Variants in ITGAE observed in about 807,000 individuals in gnomAD.
ITGAE encodes the protein integrin alpha-E.
A neutral mutation model predicts 136.5 loss-of-function variants in ITGAE; 99 were observed. The ratio of observed to expected loss-of-function variants is 0.73; its 90% CI spans 0.62 to 0.86. The LOEUF is 0.86. Ranked by LOEUF, ITGAE falls within the 40% of genes least tolerant of loss-of-function variation. ITGAE has a pLI of 0.00. For synonymous variants in ITGAE, 613 were observed against 591.8 expected, an observed-to-expected ratio of 1.04 and a Z score of -0.52; for missense variants, 1,447 against 1,515.3, an observed-to-expected ratio of 0.95 and a Z score of 0.75.
intron 8 of ITGAE, among the ~76,000 whole-genome samples, chr17:3,758,114 G>A (rs1296582451): frequency 2.6e-5 from 4 of 152,122 alleles, no homozygotes; most frequent in African/African-American, 4.8e-5. Context: ...TCTTGTGTGC[G>A]TACAGGAAGA....
intron 28 of ITGAE, among the ~76,000 whole-genome samples, chr17:3,722,756 T>C (rs2051083157): frequency 1.3e-5 from 2 of 152,114 alleles, no homozygotes; most frequent in Non-Finnish European, 2.9e-5. Flanking sequence ...ATGAAAAAAG[T>C]ATGGATTTTA....
intron 9 of ITGAE, among the ~76,000 whole-genome samples, 186 bp from the exon 10 acceptor site, chr17:3,757,320 A>G (rs1050701476): frequency 6.6e-6 from 1 of 151,950 alleles, no homozygotes; most frequent in African/African-American, 2.4e-5. Context: ...ACCAAAGTAC[A>G]CCTGTTCTCC....
At chr17:3,771,688 C>G (rs550586517) in intron 2 of ITGAE, among the ~76,000 whole-genome samples, 23 of 152,092 alleles carry the variant, frequency 1.5e-4, no homozygotes, top group African/African-American at 5.3e-4. Flanking sequence ...AAGCGCCCAC[C>G]ACCACACCCG....
intron 23 of ITGAE, among the ~76,000 whole-genome samples, chr17:3,730,763 G>A (rs142169991): frequency 5.9e-5 from 9 of 152,280 alleles, no homozygotes; most frequent in African/African-American, 2.2e-4. Flanking sequence ...CTTCCCAGCA[G>A]CGTTCCCCAC....
chr17:3,762,589 A>AT (rs1201695419), intron 3 of ITGAE, among the ~76,000 whole-genome samples: 1,594 of 111,812 alleles, frequency 0.014, 93 homozygotes, highest in African/African-American at 0.029. Flanking sequence ...TCAGACAAGG[A>AT]TTTTTTTTTT....
chr17:3,747,551 T>C (rs1034585024), intron 17 of ITGAE, among the ~76,000 whole-genome samples: 19 of 152,184 alleles, frequency 1.2e-4, no homozygotes, highest in African/African-American at 4.1e-4. Context: ...CCGCGTGATC[T>C]GCCCGCCTTG....
chr17:3,763,159 C>T (rs1047663284), intron 3 of ITGAE, among the ~76,000 whole-genome samples: 16 of 152,146 alleles, frequency 1.1e-4, no homozygotes, highest in African/African-American at 3.9e-4. Flanking sequence ...TCCCAGTGTG[C>T]TAAGATTACA....
intron 17 of ITGAE, among the ~76,000 whole-genome samples, chr17:3,746,292 A>T (rs1342482448): frequency 6.6e-6 from 1 of 152,022 alleles, no homozygotes; most frequent in Non-Finnish European, 1.5e-5. Context: ...GAAAAACCCC[A>T]GGACGGCACA....
At chr17:3,758,194 T>G (rs1004922491) in intron 8 of ITGAE, among the ~76,000 whole-genome samples, 8 of 152,226 alleles carry the variant, frequency 5.3e-5, no homozygotes, top group Admixed American at 2.0e-4. Context: ...TTGTAAACAC[T>G]GTATATTTTA....
chr17:3,736,163 A>G (rs2051455929), intron 20 of ITGAE, among the ~76,000 whole-genome samples: 1 of 152,018 alleles, frequency 6.6e-6, no homozygotes, highest in Non-Finnish European at 1.5e-5. Context: ...AAAAAAAATT[A>G]GCCAGGTGTG....
chr17:3,728,075 A>G (rs1208195443), intron 25 of ITGAE, 30 bp downstream of exon 25: 1 of 1,602,972 alleles, frequency 6.2e-7, no homozygotes, highest in South Asian at 1.1e-5. Context: ...TTGCTTTGCC[A>G]TCTACAGCTT....
intron 14 of ITGAE, among the ~76,000 whole-genome samples, chr17:3,753,029 C>G (rs559265946): frequency 5.5e-4 from 84 of 152,314 alleles, no homozygotes; most frequent in African/African-American, 2.0e-3. Context: ...GCCTGGGCAA[C>G]GAGAGCAAAA....
chr17:3,720,289 A>T lies in ITGAE; in HGVS notation c.3333+18T>A. 7.5e-7 allele frequency: 1 copy of T among 1,325,508 alleles called. No individual in the cohort carries two copies. The highest frequency in any genetic ancestry group is 1.1e-6 in the Non-Finnish European group (1 of 917,990). 82.1% of individuals were successfully genotyped at this position (1,325,508 alleles called of 1,614,324 possible). A position where few individuals can be genotyped will look rare whatever the true frequency, so the allele number is the denominator to read the frequency against. ...ACAATTTTCCTTGGGCACTACTCAG[A>T]AGCCAGCCAGGAATTACCTTAGTTC... On this transcript the variant is annotated intron_variant, in intron 29 of 30. Coordinates refer to ENST00000263087, the MANE Select transcript of ITGAE (RefSeq NM_002208.5).
chr17:3,792,691 T>A (rs184184716), intron 1 of ITGAE, among the ~76,000 whole-genome samples: 1 of 152,214 alleles, frequency 6.6e-6, no homozygotes, highest in Non-Finnish European at 1.5e-5. Flanking sequence ...CTCACAGAAG[T>A]GTTCCTAAAA....
rs768538320 is a variant in ITGAE at position 3,755,825 on chromosome 17, C to T, written c.1239+5G>A. The T allele has an allele frequency of 8.2e-6, 13 of 1,588,926 alleles. No individual in the cohort carries two copies. The highest frequency in any genetic ancestry group is 2.7e-5 in the African/African-American group (2 of 74,638). On this transcript the variant is annotated splice_donor_5th_base_variant and intron_variant, in intron 11 of 30. Coordinates refer to ENST00000263087, the MANE Select transcript of ITGAE (RefSeq NM_002208.5). ...AGCCTGCCTGGTGCTGAGTCAGCCACGTACCTCATCCAGGATCTGAGCACT... is the reference window on the plus strand; with the variant it reads ...AGCCTGCCTGGTGCTGAGTCAGCCATGTACCTCATCCAGGATCTGAGCACT...
intron 14 of ITGAE, among the ~76,000 whole-genome samples, chr17:3,752,973 C>G (rs184962817): frequency 1.3e-5 from 2 of 152,156 alleles, no homozygotes; most frequent in Non-Finnish European, 2.9e-5. Flanking sequence ...GCTTGAACCC[C>G]GGAGGCAGAG....
rs957333905 is a variant in ITGAE at position 3,761,905 on chromosome 17, C to T, written c.315+10G>A. 2 of 1,613,146 alleles carry T rather than the reference C, an allele frequency of 1.2e-6. No homozygotes were observed. The highest frequency in any genetic ancestry group is 8.5e-7 in the Non-Finnish European group (1 of 1,179,300). On this transcript the variant is annotated intron_variant, in intron 4 of 30. Transcript: ENST00000263087. The stretch of plus-strand genomic sequence containing the variant: ...CCTAAGGCCCTCCCTCCTCTCGCTC[C>T]TGCACTCACCAAAACACCGTGGTGG...
At chr17:3,790,041 T>A (rs1486890554) in intron 1 of ITGAE, among the ~76,000 whole-genome samples, 1 of 152,088 alleles carries the variant, frequency 6.6e-6, no homozygotes, top group Non-Finnish European at 1.5e-5. Context: ...CACTAGTCAA[T>A]CTTAGCATCC....
At chr17:3,773,909 A>G (rs36026186) in intron 2 of ITGAE, among the ~76,000 whole-genome samples, 20,709 of 152,288 alleles carry the variant, frequency 0.14, 1,791 homozygotes, top group African/African-American at 0.24. Flanking sequence ...GATTTTAGGC[A>G]TGTATGCCAG....
Sources: gnomAD v4.1 joint callset for allele counts (sites outside exome capture counted in the v4.1 genomes callset) on GRCh38, gnomAD v4.1.1 for gene constraint, MANE v1.5 for transcripts, NCBI Gene and HGNC (gene_info 2026-07-23, HGNC 2026-07-21) for gene names.